Variants in CNTN4 observed in about 807,000 individuals in gnomAD.
CNTN4 encodes contactin-4.
In CNTN4, 77 loss-of-function variants were observed where a neutral mutation model predicts 122.5. The observed-to-expected ratio is 0.63, with a 90% CI of 0.52 to 0.76. The LOEUF is 0.76. Among genes scored for constraint, CNTN4 ranks in the 30% least tolerant of loss-of-function variants. CNTN4 has a pLI of 0.00. For missense variants in CNTN4, 1,256 were observed against 1,259.1 expected (o/e 1.00, Z 0.04); for synonymous variants, 512 against 447.0 (o/e 1.15, Z -1.83).
At chr3:2,461,811 T>C (rs1239937146) in intron 3 of CNTN4, among the ~76,000 whole-genome samples, 1 of 152,230 alleles carries the variant, frequency 6.6e-6, no homozygotes, top group African/African-American at 2.4e-5. Context: ...ATTGTCCCCA[T>C]TTCACTTAGA....
chr3:2,586,639 A>G (rs2080218448), intron 4 of CNTN4, among the ~76,000 whole-genome samples: 1 of 151,982 alleles, frequency 6.6e-6, no homozygotes, highest in Non-Finnish European at 1.5e-5. Flanking sequence ...AACTCAAACC[A>G]TTTGTCCCCT....
Position 2,330,841 on chromosome 3 carries a change from G to A in CNTN4, c.-144-8337G>A, listed in dbSNP as rs904897307. On this transcript the variant is annotated intron_variant, in intron 2 of 24. Transcript: ENST00000418658. ...TTGTTTTTCTTTGCTTCACAGAAACGTAGGTACTGTTTTCCCCTAAGTTGT... is the reference window on the plus strand; with the variant it reads ...TTGTTTTTCTTTGCTTCACAGAAACATAGGTACTGTTTTCCCCTAAGTTGT... Among the ~76,000 whole-genome samples, 12 of 152,204 alleles carry A rather than the reference G, an allele frequency of 7.9e-5. No individual in the cohort carries two copies. The South Asian group carries it at 8.3e-4, about 11-fold the overall frequency.
intron 2 of CNTN4, among the ~76,000 whole-genome samples, chr3:2,326,429 G>C (rs1276348573): frequency 6.6e-6 from 1 of 151,404 alleles, no homozygotes; most frequent in Non-Finnish European, 1.5e-5. Context: ...TCACCCTGCA[G>C]ATTTTGGGAC....
intron 13 of CNTN4, among the ~76,000 whole-genome samples, chr3:2,941,289 C>A (rs1208127924): frequency 1.3e-5 from 2 of 152,130 alleles, no homozygotes; most frequent in Non-Finnish European, 2.9e-5. Context: ...TGTCTACTTT[C>A]CCTCTCTCTC....
At chr3:2,650,246 T>C (rs947943746) in intron 4 of CNTN4, among the ~76,000 whole-genome samples, 3 of 151,590 alleles carry the variant, frequency 2.0e-5, no homozygotes, top group African/African-American at 7.3e-5. Context: ...GCAGATGTGG[T>C]GGAAATAGCA....
chr3:2,961,155 G>A (rs9865621), intron 13 of CNTN4, among the ~76,000 whole-genome samples: 10,966 of 137,108 alleles, frequency 0.08, 790 homozygotes, highest in African/African-American at 0.097. Context: ...GCGTGAACCC[G>A]GGAGGCGGAG....
intron 2 of CNTN4, among the ~76,000 whole-genome samples, chr3:2,263,733 T>TA (rs1391720776): frequency 1.3e-5 from 2 of 152,174 alleles, no homozygotes; most frequent in Admixed American, 1.3e-4. Flanking sequence ...TTATTTCTTC[T>TA]ATCTGACTAT....
chr3:2,120,403 A>ATTT (rs1245238403), intron 2 of CNTN4, among the ~76,000 whole-genome samples: 91 of 35,796 alleles, frequency 2.5e-3, no homozygotes, highest in South Asian at 5.7e-3. Flanking sequence ...ATATATATAT[A>ATTT]TATTTTTTTT....
chr3:2,512,889 T>A (rs1016926105), intron 3 of CNTN4, among the ~76,000 whole-genome samples: 4 of 152,134 alleles, frequency 2.6e-5, no homozygotes. Context: ...TACAGAAGCA[T>A]CTTACTGGTG....
intron 3 of CNTN4, among the ~76,000 whole-genome samples, chr3:2,522,434 C>A (rs930534621): frequency 4.6e-5 from 7 of 151,974 alleles, no homozygotes; most frequent in African/African-American, 1.7e-4. Flanking sequence ...AATATTAAGG[C>A]TTTAGGATAG....
At chr3:2,261,608 C>T (rs1040224009) in intron 2 of CNTN4, among the ~76,000 whole-genome samples, 5 of 152,136 alleles carry the variant, frequency 3.3e-5, no homozygotes, top group African/African-American at 1.2e-4. Flanking sequence ...TCTGCATCAA[C>T]CATTAACTAT....
At chr3:3,003,690 A>AC (rs1696276114) in intron 14 of CNTN4, among the ~76,000 whole-genome samples, 1 of 135,706 alleles carries the variant, frequency 7.4e-6, no homozygotes, top group South Asian at 2.2e-4. Context: ...GCACCAAAAA[A>AC]AAAAAAAAAA....
intron 2 of CNTN4, among the ~76,000 whole-genome samples, chr3:2,336,331 A>T (rs1003769055): frequency 1.1e-4 from 17 of 152,024 alleles, no homozygotes; most frequent in Admixed American, 3.3e-4. Context: ...CTTTTTGAAT[A>T]AAAAAAATTA....
chr3:2,981,479 C>T (rs1694012480), intron 13 of CNTN4, among the ~76,000 whole-genome samples: 1 of 151,822 alleles, frequency 6.6e-6, no homozygotes, highest in Non-Finnish European at 1.5e-5. Flanking sequence ...CCGAGGACTC[C>T]CGTACCCTCA....
At chr3:2,988,083 T>C (rs1694741972) in intron 13 of CNTN4, among the ~76,000 whole-genome samples, 1 of 152,208 alleles carries the variant, frequency 6.6e-6, no homozygotes, top group African/African-American at 2.4e-5. Flanking sequence ...ACAACCTGTC[T>C]AATATTTATA....
At chr3:2,742,418 G>A (rs1418295919) in intron 5 of CNTN4, among the ~76,000 whole-genome samples, 1 of 152,152 alleles carries the variant, frequency 6.6e-6, no homozygotes, top group African/African-American at 2.4e-5. Context: ...TAGAAGAAAT[G>A]TTCACTCACT....
chr3:2,313,674 T>TA (rs1289429313), intron 2 of CNTN4, among the ~76,000 whole-genome samples: 3 of 151,996 alleles, frequency 2.0e-5, no homozygotes, highest in African/African-American at 7.2e-5. Flanking sequence ...ATATGTTTGA[T>TA]ATACTTTCTT....
At chr3:2,524,240 G>C (rs1482725868) in intron 3 of CNTN4, among the ~76,000 whole-genome samples, 1 of 152,000 alleles carries the variant, frequency 6.6e-6, no homozygotes, top group East Asian at 1.9e-4. Flanking sequence ...TACAATATGT[G>C]GTCTCTTGTG....
rs151148011 is a variant in CNTN4 at position 2,755,129 on chromosome 3, G to C, written c.358+9432G>C. 3.6e-3 allele frequency among the ~76,000 whole-genome samples: 547 copies of C among 152,230 alleles called. 1 individual carries two copies. Among genetic ancestry groups the C allele is most frequent in the African/African-American group, 0.012 (512 of 41,546 alleles). On this transcript the variant is annotated intron_variant, in intron 6 of 24. Coordinates refer to ENST00000418658, the MANE Select transcript of CNTN4 (RefSeq NM_175607.3). ...CTTCTATTCACGGTAATTTTCAAAT[G>C]TTCATTGCTTTTAATATCTAATAAC...
Sources: allele counts gnomAD v4.1 joint callset (sites outside exome capture counted in the v4.1 genomes callset), GRCh38; gene constraint gnomAD v4.1.1; transcripts MANE v1.5; gene names NCBI Gene and HGNC (gene_info 2026-07-23, HGNC 2026-07-21).